Variants in TAB2 observed in about 807,000 individuals in gnomAD.
TAB2 encodes the protein TGF-beta activated kinase 1 (MAP3K7) binding protein 2.
Under a neutral mutation model 65.0 loss-of-function variants are expected in TAB2, and 3 were observed. That is an observed-to-expected ratio of 0.05 (90% CI 0.02 to 0.12). The LOEUF (loss-of-function observed/expected upper bound fraction) is 0.12, where lower values mean the gene tolerates loss of function less well. Among genes scored for constraint, TAB2 ranks in the 10% least tolerant of loss-of-function variants. The probability of loss-of-function intolerance (pLI) is 1.00; values close to 1 mark genes in which losing one functional copy is unlikely to be tolerated. For missense variants in TAB2, 623 were observed against 840.3 expected (o/e 0.74, Z 3.20); for synonymous variants, 298 against 285.1 (o/e 1.05, Z -0.46).
At chr6:149,316,777 C>A (rs1583081288), upstream of TAB2, among the ~76,000 whole-genome samples, 1 of 152,204 alleles carries the variant, frequency 6.6e-6, no homozygotes, top group Admixed American at 6.5e-5. Context: ...AACAACGAAA[C>A]CCTCGCAGCA....
chr6:149,335,476 T>C (rs2114763976), intron 1 of TAB2, among the ~76,000 whole-genome samples: 1 of 152,052 alleles, frequency 6.6e-6, no homozygotes, highest in Non-Finnish European at 1.5e-5. Context: ...AGCCTTAACC[T>C]CCCACCTTAG....
intron 1 of TAB2, among the ~76,000 whole-genome samples, chr6:149,262,160 G>A (rs1426867771): frequency 6.6e-6 from 1 of 152,180 alleles, no homozygotes; most frequent in African/African-American, 2.4e-5. Flanking sequence ...CAAAGAAGAT[G>A]ATGAGGCTCT....
intron 1 of TAB2, among the ~76,000 whole-genome samples, chr6:149,254,574 T>G (rs1777966622): frequency 6.6e-6 from 1 of 152,236 alleles, no homozygotes; most frequent in Admixed American, 6.5e-5. Flanking sequence ...CCACAGTCCT[T>G]CCCTCACAGG....
At chr6:149,251,691 T>G (rs1372322382) in intron 1 of TAB2, among the ~76,000 whole-genome samples, 1 of 152,202 alleles carries the variant, frequency 6.6e-6, no homozygotes, top group Non-Finnish European at 1.5e-5. Context: ...CAGGAACCTC[T>G]GCTCTTGAAT....
At chr6:149,398,100 T>G in intron 5 of TAB2, 38 bp downstream of exon 5, 2 of 1,560,168 alleles carry the variant, frequency 1.3e-6, no homozygotes, top group Non-Finnish European at 1.8e-6. Flanking sequence ...ATTCATCGTA[T>G]TTAATTCACC....
At chr6:149,349,941 A>G (rs9498329) in intron 1 of TAB2, among the ~76,000 whole-genome samples, 1 of 151,680 alleles carries the variant, frequency 6.6e-6, no homozygotes, top group Non-Finnish European at 1.5e-5. Flanking sequence ...TCATTCATTC[A>G]TTCATTCAGA....
intron 1 of TAB2, among the ~76,000 whole-genome samples, chr6:149,341,960 A>G (rs1244725525): frequency 6.6e-6 from 1 of 151,964 alleles, no homozygotes; most frequent in Non-Finnish European, 1.5e-5. Flanking sequence ...ACAACATTCT[A>G]CTATTCATAA....
intron 3 of TAB2, among the ~76,000 whole-genome samples, chr6:149,381,690 T>C (rs542493452): frequency 6.6e-6 from 1 of 151,388 alleles, no homozygotes; most frequent in African/African-American, 2.4e-5. Context: ...CCTCCCACTT[T>C]AGCCTCCCTA....
At chr6:149,221,242 A>G (rs1777142669) in intron 1 of TAB2, 1 of 152,210 alleles carries the variant, frequency 6.6e-6, no homozygotes, top group Non-Finnish European at 1.5e-5. Flanking sequence ...AAATACTCAA[A>G]AGACCTGTAA....
At chr6:149,299,396 A>T (rs1022133735) in intron 1 of TAB2, among the ~76,000 whole-genome samples, 1 of 152,068 alleles carries the variant, frequency 6.6e-6, no homozygotes. Flanking sequence ...ACATGGTGAA[A>T]CTCAGTCTCT....
At chr6:149,231,594 A>G (rs1777405342) in intron 1 of TAB2, among the ~76,000 whole-genome samples, 1 of 152,218 alleles carries the variant, frequency 6.6e-6, no homozygotes, top group Admixed American at 6.5e-5. Context: ...TGGGAAAAGC[A>G]CTTAATCACT....
intron 6 of TAB2, chr6:149,400,224 G>A (rs1039585018): frequency 1.3e-5 from 9 of 693,340 alleles, no homozygotes; most frequent in South Asian, 2.0e-5. Flanking sequence ...CCAACAGCTC[G>A]TGCTGGCGCA....
At position 149,378,219 on chromosome 6, in the gene TAB2, A is replaced by C; in HGVS notation, c.304A>C (p.Thr102Pro). The C allele has an allele frequency of 6.2e-7, 1 of 1,614,104 alleles. No individual in the cohort carries two copies. Among genetic ancestry groups the C allele is most frequent in the Non-Finnish European group, 8.5e-7 (1 of 1,179,962 alleles). The change falls in exon 3 of 7, where the codon ACT (threonine) becomes CCT (proline). Residue 102 changes from threonine (T) to proline (P), a missense_variant. Coordinates refer to ENST00000637181, the MANE Select transcript of TAB2 (RefSeq NM_001292034.3). ...REGSRMNGSRTLTHSISDGQL... is the reference protein window; with the variant it reads ...REGSRMNGSRPLTHSISDGQL... Reference sequence around the variant, plus strand: ...AGGAAGTAGGATGAATGGAAGTAGGACTCTAACGCACAGCATTAGTGATGG... The same window carrying C: ...AGGAAGTAGGATGAATGGAAGTAGGCCTCTAACGCACAGCATTAGTGATGG...
intron 1 of TAB2, chr6:149,257,418 A>T (rs1778060306): frequency 6.6e-6 from 1 of 152,142 alleles, no homozygotes; most frequent in African/African-American, 2.4e-5. Context: ...TGTCTGCCAG[A>T]TGGGGAAAAA....
At chr6:149,315,661 C>G (rs1287651410), upstream of TAB2, among the ~76,000 whole-genome samples, 1 of 152,124 alleles carries the variant, frequency 6.6e-6, no homozygotes, top group East Asian at 1.9e-4. Context: ...GTTACCATGT[C>G]TTTAGTTTTT....
intron 2 of TAB2, among the ~76,000 whole-genome samples, chr6:149,377,679 G>A (rs2114880901): frequency 6.6e-6 from 1 of 152,172 alleles, no homozygotes; most frequent in African/African-American, 2.4e-5. Context: ...TACTTAAGTT[G>A]AATGATTATA....
intron 1 of TAB2, among the ~76,000 whole-genome samples, chr6:149,307,225 T>C (rs376527072): frequency 4.0e-5 from 6 of 150,324 alleles, no homozygotes; most frequent in African/African-American, 1.5e-4. Flanking sequence ...TCTGCCACCT[T>C]AGCACAAGTT....
chr6:149,247,700 A>T (rs1004062962), intron 1 of TAB2: 1 of 152,238 alleles, frequency 6.6e-6, no homozygotes, highest in Non-Finnish European at 1.5e-5. Context: ...GGACAAGTGG[A>T]GGTGTCTGTC....
chr6:149,222,050 G>T (rs144830848), intron 1 of TAB2, among the ~76,000 whole-genome samples: 1 of 152,088 alleles, frequency 6.6e-6, no homozygotes, highest in Non-Finnish European at 1.5e-5. Context: ...ATCTGTAGAC[G>T]GCCCGAATGG....
Sources: gnomAD v4.1 joint callset for allele counts (sites outside exome capture counted in the v4.1 genomes callset) on GRCh38, gnomAD v4.1.1 for gene constraint, MANE v1.5 for transcripts, NCBI Gene and HGNC (gene_info 2026-07-23, HGNC 2026-07-21) for gene names.